Variants in NEDD1 observed in about 807,000 individuals in gnomAD.
NEDD1 encodes protein NEDD1.
NEDD1 carries 33 observed loss-of-function variants against 74.0 expected under a neutral mutation model. The ratio of observed to expected loss-of-function variants is 0.45; its 90% CI spans 0.34 to 0.60. The LOEUF (loss-of-function observed/expected upper bound fraction) is 0.60. Ranked by LOEUF, NEDD1 falls within the 20% of genes least tolerant of loss-of-function variation. NEDD1 has a pLI of 0.01. For missense variants in NEDD1, 746 were observed against 776.5 expected, an observed-to-expected ratio of 0.96 and a Z score of 0.47; for synonymous variants, 250 against 264.4, an observed-to-expected ratio of 0.95 and a Z score of 0.53.
chr12:96,919,323 G>A (rs1000484696), intron 5 of NEDD1, among the ~76,000 whole-genome samples: 14 of 152,144 alleles, frequency 9.2e-5, no homozygotes, highest in Admixed American at 4.6e-4. Flanking sequence ...GTGAGCTTGC[G>A]CAGGTTTCTT....
chr12:96,914,785 T>A (rs10777822), intron 4 of NEDD1, among the ~76,000 whole-genome samples: 77,297 of 151,966 alleles, frequency 0.51, 20,236 homozygotes, highest in African/African-American at 0.62. Context: ...CTTGAGCAGT[T>A]CAGGATTCCT....
intron 6 of NEDD1, among the ~76,000 whole-genome samples, chr12:96,931,958 C>CCTATG (rs1297852773): frequency 1.3e-5 from 2 of 151,994 alleles, no homozygotes; most frequent in Non-Finnish European, 2.9e-5. Context: ...AAAACTATAA[C>CCTATG]CTATGGTCTA....
At chr12:96,924,838 C>T (rs1177103312) in intron 6 of NEDD1, 1 of 453,446 alleles carries the variant, frequency 2.2e-6, no homozygotes, top group Non-Finnish European at 4.4e-6. Context: ...ACTAGGCTCT[C>T]CAATCCAGTG....
In NEDD1 at chr12:96,931,224, G is replaced by C. The variant is rs367623226; in HGVS notation, c.490-3752G>C. Among the ~76,000 whole-genome samples, 4 of 152,244 alleles carry C rather than the reference G, an allele frequency of 2.6e-5. No individual in the cohort carries two copies. In the South Asian group the frequency reaches 8.3e-4, roughly 32 times the overall value. ...ATAGTGCCTAGTAAGAAAATGATGT[G>C]AATGTATGTTCTTATCTGTGCAAAG... On this transcript the variant is annotated intron_variant, in intron 6 of 15. Coordinates refer to ENST00000266742, the MANE Select transcript of NEDD1 (RefSeq NM_152905.4).
Position 96,936,684 on chromosome 12 carries a change from A to G in NEDD1, c.793A>G (p.Ile265Val), listed in dbSNP as rs747535905. The G allele has an allele frequency of 4.3e-6, 7 of 1,613,674 alleles. No homozygotes were observed. Among genetic ancestry groups the G allele is most frequent in the East Asian group, 2.2e-5 (1 of 44,870 alleles). ...DFMPDGATLA[I>V]GSSRGKIYQY... ...CATGCCTGATGGAGCCACTTTGGCT[A>G]TTGGATCTTCCCGGGGGAAAATATA... Residue 265 changes from isoleucine to valine, a missense_variant, in exon 8 of 16, where the codon ATT becomes GTT. Coordinates refer to ENST00000266742, the MANE Select transcript of NEDD1 (RefSeq NM_152905.4).
chr12:96,909,912 AAAAACAC>A lies in NEDD1; in HGVS notation c.136+19_136+25del. 6.3e-7 allele frequency: 1 copy of A among 1,591,028 alleles called. No homozygotes were observed. Among genetic ancestry groups the A allele is most frequent in the Non-Finnish European group, 8.5e-7 (1 of 1,173,140 alleles). On this transcript the variant is annotated intron_variant, in intron 3 of 15. Coordinates refer to ENST00000266742, the MANE Select transcript of NEDD1 (RefSeq NM_152905.4). ...GCAGCAATAGTATCCTTTAAAAAAA[AAAAACAC>A]ACACACACACACACAAACCGCTTAT...
At chr12:96,949,959 AT>A (rs569483163) in intron 14 of NEDD1, among the ~76,000 whole-genome samples, 31 of 152,238 alleles carry the variant, frequency 2.0e-4, no homozygotes, top group Middle Eastern at 3.4e-3. Flanking sequence ...TGCACTGCCT[AT>A]AAAAATACAT....
chr12:96,917,589 T>C, intron 4 of NEDD1, 32 bp from the exon 5 acceptor site: 1 of 1,479,360 alleles, frequency 6.8e-7, no homozygotes, highest in Non-Finnish European at 8.9e-7. Context: ...CTCTGTTAAA[T>C]TAAGGTAACT....
intron 2 of NEDD1, among the ~76,000 whole-genome samples, chr12:96,908,285 T>C (rs1383836364): frequency 1.3e-5 from 2 of 152,162 alleles, no homozygotes; most frequent in Non-Finnish European, 2.9e-5. Flanking sequence ...ATGAAACGTT[T>C]CTATAATTCT....
rs201464037 is a variant in NEDD1, at chr12:96,920,025, A to G, written c.389A>G (p.Asn130Ser). 7.4e-5 allele frequency: 119 copies of G among 1,604,366 alleles called. No homozygotes were observed. The highest frequency in any genetic ancestry group is 5.9e-5 in the Non-Finnish European group (69 of 1,171,826). The change falls in exon 6 of 16, where the codon AAT becomes AGT. Residue 130 changes from asparagine to serine, a missense_variant. Asn to Ser is a conservative substitution (Grantham distance 46). Coordinates refer to ENST00000266742, the MANE Select transcript of NEDD1 (RefSeq NM_152905.4). ...GTAACTTGTGTAACATACAATTGGAATGATTGCTACATTGCTTCTGGATCT... is the reference window on the plus strand; with the variant it reads ...GTAACTTGTGTAACATACAATTGGAGTGATTGCTACATTGCTTCTGGATCT... Reference protein sequence around the residue: ...DQVTCVTYNWNDCYIASGSLS... With the variant: ...DQVTCVTYNWSDCYIASGSLS...
At chr12:96,940,335 AT>A in intron 9 of NEDD1, 73 bp from the exon 10 acceptor site, 1 of 886,154 alleles carries the variant, frequency 1.1e-6, no homozygotes, top group African/African-American at 1.7e-5. Context: ...TGATACATTA[AT>A]TTTTACAACC....
chr12:96,944,401 G>A (rs1388188844), intron 12 of NEDD1, among the ~76,000 whole-genome samples: 1 of 151,634 alleles, frequency 6.6e-6, no homozygotes, highest in Non-Finnish European at 1.5e-5. Context: ...CTTAACAGCA[G>A]GTGCTTAGTA....
rs752681445 is a variant in NEDD1, at chr12:96,951,474, G to A, written c.1854G>A (p.Met618Ile). 3.2e-6 allele frequency: 5 copies of A among 1,567,896 alleles called. No individual in the cohort carries two copies. In the South Asian group the frequency reaches 4.5e-5, roughly 14 times the overall value. ...HRDIVNLQVE[M>I]IKQFHMQLNE... ...ACATTGTGAATTTGCAAGTGGAGATGATTAAACAGTTTCATATGCAACTGG... is the reference window on the plus strand; with the variant it reads ...ACATTGTGAATTTGCAAGTGGAGATAATTAAACAGTTTCATATGCAACTGG... The change falls in exon 15 of 16, where the codon ATG becomes ATA. Residue 618 changes from methionine to isoleucine, a missense_variant. Transcript: ENST00000266742.
At chr12:96,929,556 TACACACACACACACACAC>T (rs71078436) in intron 6 of NEDD1, among the ~76,000 whole-genome samples, 165 of 127,796 alleles carry the variant, frequency 1.3e-3, no homozygotes, top group South Asian at 4.8e-3. Flanking sequence ...TTTTCATGTA[TACACACACACACACACAC>T]ACACACACAC....
rs1272525734 is a variant in NEDD1 at position 96,952,540 on chromosome 12, A to G, written c.*487A>G. On this transcript the variant is annotated 3_prime_UTR_variant, in exon 16 of 16. Transcript: ENST00000266742. ...TGACTAATAAAACATAGGGTTGGCT[A>G]GTAATTATTTTGTTAACTTGATGAA... 6.6e-6 allele frequency: 1 copy of G among 151,938 alleles called. No individual in the cohort carries two copies. The highest frequency in any genetic ancestry group is 1.5e-5 in the Non-Finnish European group (1 of 67,828). The allele number at this position is 151,938 out of a possible 1,614,324, so 9.4% of individuals were successfully genotyped here.
intron 4 of NEDD1, among the ~76,000 whole-genome samples, chr12:96,916,642 AT>A (rs1222286448): frequency 6.0e-5 from 9 of 148,862 alleles, no homozygotes; most frequent in Admixed American, 2.7e-4. Flanking sequence ...CATTTTCTTA[AT>A]CCAGTCTATC....
chr12:96,932,739 G>T (rs1485568630), intron 6 of NEDD1, among the ~76,000 whole-genome samples: 1 of 151,366 alleles, frequency 6.6e-6, no homozygotes, highest in Admixed American at 6.6e-5. Context: ...ATGGTTGAAT[G>T]GTGGGTACAT....
intron 14 of NEDD1, among the ~76,000 whole-genome samples, chr12:96,948,090 C>T (rs1352506914): frequency 6.6e-6 from 1 of 152,184 alleles, no homozygotes; most frequent in African/African-American, 2.4e-5. Context: ...GGACCTCTTT[C>T]TCAGCCATCC....
chr12:96,943,485 A>G lies in NEDD1; in HGVS notation c.1295-75A>G, dbSNP rs560687572. ...TATCTTCTTCCATGTTAATCTGCCT[A>G]TCATGTTAAATGCTTTTCTTCAATG... On this transcript the variant is annotated intron_variant, in intron 11 of 15. Transcript: ENST00000266742. 7.5e-6 allele frequency: 7 copies of G among 930,712 alleles called. No homozygotes were observed. In the South Asian group the frequency reaches 9.0e-5, roughly 12 times the overall value. 57.7% of individuals were successfully genotyped at this position (930,712 alleles called of 1,614,324 possible).
Sources: allele counts gnomAD v4.1 joint callset (sites outside exome capture counted in the v4.1 genomes callset), GRCh38; gene constraint gnomAD v4.1.1; transcripts MANE v1.5; gene names NCBI Gene and HGNC (gene_info 2026-07-23, HGNC 2026-07-21).